Variants in FAM76A observed in about 807,000 individuals in gnomAD.
The protein encoded by FAM76A is family with sequence similarity 76 member A, also known as protein FAM76A.
FAM76A carries 32 observed loss-of-function variants against 46.2 expected under a neutral mutation model. The ratio of observed to expected loss-of-function variants is 0.69; its 90% CI spans 0.52 to 0.93. FAM76A has a LOEUF of 0.93. Among genes scored for constraint, FAM76A ranks in the 40% least tolerant of loss-of-function variants. The pLI, the probability that FAM76A is intolerant of heterozygous loss-of-function variation, is 0.00. For missense variants in FAM76A, 274 were observed against 361.5 expected (o/e 0.76, Z 1.96); for synonymous variants, 137 against 127.0 (o/e 1.08, Z -0.53).
rs1301760270 is a variant in FAM76A at position 27,761,790 on chromosome 1, C to A, written c.*1209C>A. On this transcript the variant is annotated 3_prime_UTR_variant, in exon 9 of 9. Transcript: ENST00000373954. ...CATCCTGGCCAACATGGTAAAACCC[C>A]ATCTGTACTAAAAAAATACAAAAAT... The A allele has an allele frequency of 6.6e-6, 1 of 151,904 alleles. No individual in the cohort carries two copies. Among genetic ancestry groups the A allele is most frequent in the East Asian group, 1.9e-4 (1 of 5,182 alleles). The allele number at this position is 151,904 out of a possible 1,614,324, so 9.4% of individuals were successfully genotyped here. A position where few individuals can be genotyped will look rare whatever the true frequency, so the allele number is the denominator to read the frequency against.
In FAM76A at chr1:27,739,980, G is replaced by A. The variant is rs528170465; in HGVS notation, c.355-4674G>A. 2.0e-3 allele frequency: 587 copies of A among 286,958 alleles called. 2 individuals are homozygous for A. Among genetic ancestry groups the A allele is most frequent in the East Asian group, 3.2e-3 (34 of 10,690 alleles). 17.8% of individuals were successfully genotyped at this position (286,958 alleles called of 1,614,324 possible). The stretch of plus-strand genomic sequence containing the variant: ...TGGCTTTAGGCTGCAAGATTGGCTC[G>A]CCCATCCTCAACAGCAACCTGGCCA... On this transcript the variant is annotated intron_variant, in intron 4 of 8. Transcript: ENST00000373954.
chr1:27,755,293 A>G lies in FAM76A; in HGVS notation c.698A>G (p.His233Arg), dbSNP rs867744105. The G allele has an allele frequency of 1.2e-6, 2 of 1,614,106 alleles. No individual in the cohort carries two copies. Among genetic ancestry groups the G allele is most frequent in the African/African-American group, 2.7e-5 (2 of 74,936 alleles). The change falls in exon 7 of 9, where the codon CAT (histidine) becomes CGT (arginine). Residue 233 changes from histidine to arginine, a missense_variant. Physicochemically the swap from His to Arg is conservative, Grantham distance 29 (BLOSUM62 0). Transcript: ENST00000373954. The stretch of plus-strand genomic sequence containing the variant: ...GTGGCTACCCTGAAGAAGATGTTGC[A>G]TCAAAAGGATCAAATGATTTTAGAG... ...EEVATLKKML[H>R]QKDQMILEKE... is the part of the protein sequence containing the mutation.
chr1:27,751,658 C>A (rs1468831960), intron 6 of FAM76A, among the ~76,000 whole-genome samples: 1 of 151,592 alleles, frequency 6.6e-6, no homozygotes, highest in African/African-American at 2.4e-5. Flanking sequence ...ACATGCACCA[C>A]CATGCCTGCC....
chr1:27,727,664 A>G lies in FAM76A; in HGVS notation c.146+128A>G. On this transcript the variant is annotated intron_variant, in intron 2 of 8. Transcript: ENST00000373954. ...AAAATACAGATCTGTAATCAATCAC[A>G]TTATATACAGACTATAATTGCTAAA... is the stretch of plus-strand genomic sequence containing the variant. 4.3e-6 allele frequency: 3 copies of G among 693,856 alleles called. No homozygotes were observed. The South Asian group carries it at 5.1e-5, about 12-fold the overall frequency. The allele number at this position is 693,856 out of a possible 1,614,324, so 43.0% of individuals were successfully genotyped here.
chr1:27,737,865 CAACAAAAAAA>C (rs1485078644), intron 4 of FAM76A, among the ~76,000 whole-genome samples: 46 of 34,242 alleles, frequency 1.3e-3, no homozygotes, highest in Non-Finnish European at 2.0e-3. Context: ...ACAACAACAA[CAACAAAAAAA>C]AAAAAAAAAA....
intron 2 of FAM76A, among the ~76,000 whole-genome samples, chr1:27,731,561 C>T (rs2087958549): frequency 6.6e-6 from 1 of 152,116 alleles, no homozygotes; most frequent in African/African-American, 2.4e-5. Flanking sequence ...CTGGTGTTTT[C>T]ATATGCCTTT....
chr1:27,741,046 T>C (rs2088142922), intron 4 of FAM76A, among the ~76,000 whole-genome samples: 1 of 151,358 alleles, frequency 6.6e-6, no homozygotes, highest in Admixed American at 6.6e-5. Context: ...GCAGGAGAAT[T>C]GCTTGAACCT....
chr1:27,752,798 G>T (rs150857225), intron 6 of FAM76A, among the ~76,000 whole-genome samples: 1 of 152,276 alleles, frequency 6.6e-6, no homozygotes, highest in African/African-American at 2.4e-5. Context: ...AAAGAGACTG[G>T]TTTTTCTGCC....
chr1:27,726,501 G>T (rs1354918327), intron 1 of FAM76A, among the ~76,000 whole-genome samples: 3 of 152,224 alleles, frequency 2.0e-5, no homozygotes, highest in Admixed American at 2.0e-4. Context: ...GGTCTCCCTG[G>T]TGGGGACCTC....
At chr1:27,726,740 A>G (rs2087868097) in intron 1 of FAM76A, among the ~76,000 whole-genome samples, 1 of 152,058 alleles carries the variant, frequency 6.6e-6, no homozygotes, top group South Asian at 2.1e-4. Context: ...CCGAGGGATC[A>G]CTTCTCAGCA....
intron 4 of FAM76A, chr1:27,739,361 A>G (rs878986344): frequency 3.8e-6 from 2 of 525,684 alleles, no homozygotes; most frequent in South Asian, 1.4e-5. Context: ...CACTACTTAA[A>G]TATGGAACAC....
In FAM76A at chr1:27,755,301, G is replaced by A; in HGVS notation, c.706G>A (p.Asp236Asn). 3.1e-6 allele frequency: 5 copies of A among 1,614,160 alleles called. No individual in the cohort carries two copies. The highest frequency in any genetic ancestry group is 3.4e-6 in the Non-Finnish European group (4 of 1,180,032). Reference sequence around the variant, plus strand: ...CCTGAAGAAGATGTTGCATCAAAAGGATCAAATGATTTTAGAGAAAGAGAA... The same window carrying A: ...CCTGAAGAAGATGTTGCATCAAAAGAATCAAATGATTTTAGAGAAAGAGAA... ...ATLKKMLHQKDQMILEKEKKI... is the reference protein window; with the variant it reads ...ATLKKMLHQKNQMILEKEKKI... Residue 236 changes from aspartate to asparagine, a missense_variant, in exon 7 of 9, where the codon GAT becomes AAT. Coordinates refer to ENST00000373954, the MANE Select transcript of FAM76A (RefSeq NM_152660.3).
Position 27,759,515 on chromosome 1 carries a change from G to A in FAM76A, c.736-11G>A. The A allele has an allele frequency of 1.3e-6, 2 of 1,590,974 alleles. No individual in the cohort carries two copies. The highest frequency in any genetic ancestry group is 1.7e-6 in the Non-Finnish European group (2 of 1,167,580). ...AAATTTCTTCTGGTTATTCTGCCTT[G>A]TTTCCCTCAGATTACAGAGTTGAAG... On this transcript the variant is annotated splice_polypyrimidine_tract_variant and intron_variant, in intron 7 of 8. Transcript: ENST00000373954.
At chr1:27,750,250 C>A (rs2088310412) in intron 6 of FAM76A, among the ~76,000 whole-genome samples, 1 of 152,162 alleles carries the variant, frequency 6.6e-6, no homozygotes, top group Non-Finnish European at 1.5e-5. Context: ...TTTCCCATTG[C>A]CTTTTTTGTT....
In FAM76A at chr1:27,757,846, G is replaced by A. The variant is rs1297156379; in HGVS notation, c.736-1680G>A. Among the ~76,000 whole-genome samples the A allele has an allele frequency of 8.6e-5, 13 of 152,046 alleles. 1 individual carries two copies. The highest frequency in any genetic ancestry group is 1.5e-5 in the Non-Finnish European group (1 of 67,986). On this transcript the variant is annotated intron_variant, in intron 7 of 8. Coordinates refer to ENST00000373954, the MANE Select transcript of FAM76A (RefSeq NM_152660.3). ...AAAAAAATTAGCTGGGCGTGGTGGT[G>A]GGCGCCTGTAGTCCCAGCTACTCGG...
In FAM76A at chr1:27,760,675, T is replaced by G. The variant is rs535209572; in HGVS notation, c.*94T>G. ...GTTCTGTGGGAATTGCAAGCTTTCT[T>G]AAGAAATCTCTATTTTATTACAGTT... is the stretch of plus-strand genomic sequence containing the variant. On this transcript the variant is annotated 3_prime_UTR_variant, in exon 9 of 9. Transcript: ENST00000373954. 2.5e-6 allele frequency: 2 copies of G among 802,542 alleles called. No individual in the cohort carries two copies. Among genetic ancestry groups the G allele is most frequent in the Non-Finnish European group, 3.9e-6 (2 of 509,326 alleles). The allele number at this position is 802,542 out of a possible 1,614,324, so 49.7% of individuals were successfully genotyped here.
At chr1:27,760,153 C>A in intron 8 of FAM76A, 1 of 360,864 alleles carries the variant, frequency 2.8e-6, no homozygotes, top group Non-Finnish European at 5.5e-6. Flanking sequence ...TAAGTATGTT[C>A]TTTGATTTTT....
At position 27,732,674 on chromosome 1, in the gene FAM76A, C is replaced by A; in HGVS notation, c.201+17C>A. 6.2e-7 allele frequency: 1 copy of A among 1,602,272 alleles called. No individual in the cohort carries two copies. Among genetic ancestry groups the A allele is most frequent in the Non-Finnish European group, 8.5e-7 (1 of 1,170,854 alleles). On this transcript the variant is annotated intron_variant, in intron 3 of 8. Transcript: ENST00000373954. ...TATGGAACGGTAAGTAGGATATTTTCAAACCTAACAGTGAGTACTAGGGTC... is the reference window on the plus strand; with the variant it reads ...TATGGAACGGTAAGTAGGATATTTTAAAACCTAACAGTGAGTACTAGGGTC...
intron 6 of FAM76A, among the ~76,000 whole-genome samples, chr1:27,752,684 G>A (rs2088350485): frequency 1.3e-5 from 2 of 152,314 alleles, no homozygotes; most frequent in African/African-American, 2.4e-5. Context: ...TTATAGAGAG[G>A]CAGGTTTTGG....
Sources: allele counts gnomAD v4.1 joint callset (sites outside exome capture counted in the v4.1 genomes callset), GRCh38; gene constraint gnomAD v4.1.1; transcripts MANE v1.5; gene names NCBI Gene and HGNC (gene_info 2026-07-23, HGNC 2026-07-21).